The following DHCR24 variants were observed in gnomAD, a reference collection of about 807,000 sequenced individuals.
DHCR24 encodes the protein delta(24)-sterol reductase.
A neutral mutation model predicts 61.2 loss-of-function variants in DHCR24; 28 were observed. That is an observed-to-expected ratio of 0.46 (90% CI 0.34 to 0.63). The LOEUF is 0.63. Among genes scored for constraint, DHCR24 ranks in the 20% least tolerant of loss-of-function variants. The pLI is 0.01. For missense variants in DHCR24, 538 were observed against 679.1 expected (o/e 0.79, Z 2.31); for synonymous variants, 261 against 275.9 (o/e 0.95, Z 0.54).
At chr1:54,867,327 T>A (rs1377626398) in intron 5 of DHCR24, among the ~76,000 whole-genome samples, 1 of 152,180 alleles carries the variant, frequency 6.6e-6, no homozygotes, top group Non-Finnish European at 1.5e-5. Context: ...AACAGAAATG[T>A]TTGGAAGCAA....
At chr1:54,871,742 G>T in intron 4 of DHCR24, 129 bp from the exon 5 acceptor site, 2 of 1,326,452 alleles carry the variant, frequency 1.5e-6, no homozygotes, top group African/African-American at 1.5e-5. Context: ...CAAACAATGA[G>T]CTTTACAAAC....
intron 5 of DHCR24, among the ~76,000 whole-genome samples, chr1:54,866,449 C>T (rs1236056089): frequency 6.6e-6 from 1 of 151,962 alleles, no homozygotes; most frequent in South Asian, 2.1e-4. Context: ...CCCTGGTTCA[C>T]GCCATTCTCC....
chr1:54,857,441 T>C (rs1373059375), intron 6 of DHCR24, among the ~76,000 whole-genome samples: 1 of 152,262 alleles, frequency 6.6e-6, no homozygotes, highest in African/African-American at 2.4e-5. Flanking sequence ...CAACCGCTTA[T>C]ACTAAAATGA....
intron 5 of DHCR24, among the ~76,000 whole-genome samples, chr1:54,865,894 TG>T (rs752710881): frequency 9.3e-5 from 14 of 149,796 alleles, no homozygotes; most frequent in Non-Finnish European, 1.3e-4. Flanking sequence ...CAACTGGTCA[TG>T]GCACTTTCCC....
chr1:54,877,071 C>T (rs1173493637), intron 2 of DHCR24, among the ~76,000 whole-genome samples: 1 of 151,826 alleles, frequency 6.6e-6, no homozygotes, highest in African/African-American at 2.4e-5. Context: ...TCCAAAGGAG[C>T]TAATCAGAAT....
At chr1:54,866,552 G>C (rs1011656246) in intron 5 of DHCR24, among the ~76,000 whole-genome samples, 3 of 152,174 alleles carry the variant, frequency 2.0e-5, no homozygotes, top group African/African-American at 7.2e-5. Context: ...AGCCTAGGCA[G>C]GTTACTTAGC....
intron 4 of DHCR24, among the ~76,000 whole-genome samples, chr1:54,873,762 G>A (rs1647012127): frequency 6.6e-6 from 1 of 152,154 alleles, no homozygotes; most frequent in Non-Finnish European, 1.5e-5. Flanking sequence ...TGATCCTCCT[G>A]CTGCAGCCTC....
chr1:54,882,885 A>G (rs1392622555), intron 2 of DHCR24, among the ~76,000 whole-genome samples: 1 of 152,090 alleles, frequency 6.6e-6, no homozygotes, highest in Non-Finnish European at 1.5e-5. Flanking sequence ...AGGGATTACC[A>G]AGGAGCATGA....
In DHCR24 at chr1:54,883,479, A is replaced by AG; in HGVS notation, c.387+138dup. On this transcript the variant is annotated intron_variant, in intron 2 of 8. Transcript: ENST00000371269. The surrounding 1 kb of genome is among the most constrained non-coding windows in gnomAD (Gnocchi z 4.3). ...TGTGAGGCTTGAGGACAGCAATGGC[A>AG]GGGAGTATCTTCTATGACTGTGGGC... 9.2e-7 allele frequency: 1 copy of AG among 1,082,828 alleles called. No individual in the cohort carries two copies. The highest frequency in any genetic ancestry group is 1.4e-6 in the Non-Finnish European group (1 of 705,072). 67.1% of individuals were successfully genotyped at this position (1,082,828 alleles called of 1,614,324 possible). A position where few individuals can be genotyped will look rare whatever the true frequency, so the allele number is the denominator to read the frequency against.
At chr1:54,863,027 A>G (rs1178365610) in intron 6 of DHCR24, among the ~76,000 whole-genome samples, 1 of 150,152 alleles carries the variant, frequency 6.7e-6, no homozygotes, top group Non-Finnish European at 1.5e-5. Context: ...AGTGGGCGAA[A>G]TTGCGCCACT....
chr1:54,871,890 T>C (rs902422043), intron 4 of DHCR24, among the ~76,000 whole-genome samples: 3 of 152,126 alleles, frequency 2.0e-5, no homozygotes, highest in Non-Finnish European at 2.9e-5. Flanking sequence ...CCAGAGGCTA[T>C]TCAGGAAAAA....
At position 54,872,623 on chromosome 1, in the gene DHCR24, G is replaced by A. The variant is rs549244290; in HGVS notation, c.613-1010C>T. Among the ~76,000 whole-genome samples the A allele has an allele frequency of 7.9e-5, 12 of 152,246 alleles. No homozygotes were observed. In the South Asian group the frequency reaches 2.3e-3, roughly 29 times the overall value. ...ACATTCTCCTGGCCATGGCAGTGAA[G>A]ATGACACACTTGCTGCATGCTGAGC... On this transcript the variant is annotated intron_variant, in intron 4 of 8. Coordinates refer to ENST00000371269, the MANE Select transcript of DHCR24 (RefSeq NM_014762.4).
intron 6 of DHCR24, among the ~76,000 whole-genome samples, chr1:54,856,443 C>CA (rs1267198750): frequency 1.3e-5 from 2 of 151,592 alleles, no homozygotes; most frequent in Non-Finnish European, 2.9e-5. Flanking sequence ...CTAAAAACAC[C>CA]AAAAAAAATT....
At chr1:54,874,444 G>C (rs554303746) in intron 4 of DHCR24, among the ~76,000 whole-genome samples, 12 of 152,282 alleles carry the variant, frequency 7.9e-5, no homozygotes, top group Non-Finnish European at 1.6e-4. Flanking sequence ...CTACAGTATT[G>C]AGCACAGTAC....
At chr1:54,872,788 A>G (rs1647007043) in intron 4 of DHCR24, among the ~76,000 whole-genome samples, 1 of 152,240 alleles carries the variant, frequency 6.6e-6, no homozygotes, top group Admixed American at 6.5e-5. Context: ...ATAGGTCAAA[A>G]GACAGGGCCC....
intron 6 of DHCR24, among the ~76,000 whole-genome samples, chr1:54,860,062 C>A (rs533518480): frequency 7.9e-5 from 12 of 152,112 alleles, no homozygotes; most frequent in Non-Finnish European, 1.5e-4. Context: ...CATGATGAGA[C>A]CCTCACCCCT....
rs762304722 is a variant in DHCR24 at position 54,883,523 on chromosome 1, G to A, written c.387+95C>T. 3 of 1,472,460 alleles carry A rather than the reference G, an allele frequency of 2.0e-6. No homozygotes were observed. Among genetic ancestry groups the A allele is most frequent in the Non-Finnish European group, 2.8e-6 (3 of 1,053,516 alleles). 91.2% of individuals were successfully genotyped at this position (1,472,460 alleles called of 1,614,324 possible). A position where few individuals can be genotyped will look rare whatever the true frequency, so the allele number is the denominator to read the frequency against. ...TGTGGGCATTGGTCCTGTCCACTCT[G>A]CAATGCCCTTGGCTAAAATCATCTC... On this transcript the variant is annotated intron_variant, in intron 2 of 8. Coordinates refer to ENST00000371269, the MANE Select transcript of DHCR24 (RefSeq NM_014762.4). This position sits in a 1 kb window ranked among gnomAD's most constrained non-coding sequence, Gnocchi z 4.3.
chr1:54,880,151 A>G (rs991652081), intron 2 of DHCR24, among the ~76,000 whole-genome samples: 1 of 152,222 alleles, frequency 6.6e-6, no homozygotes, highest in Non-Finnish European at 1.5e-5. Flanking sequence ...TACCAGTATC[A>G]AGAACGAAAG....
chr1:54,864,256 T>C (rs1646955598), intron 6 of DHCR24, among the ~76,000 whole-genome samples: 1 of 152,124 alleles, frequency 6.6e-6, no homozygotes, highest in Non-Finnish European at 1.5e-5. Context: ...CACATGAAGG[T>C]TTGTAGCAGC....
Sources: allele counts gnomAD v4.1 joint callset (sites outside exome capture counted in the v4.1 genomes callset), GRCh38; gene constraint gnomAD v4.1.1; non-coding constraint Gnocchi (gnomAD v3.1); transcripts MANE v1.5; gene names NCBI Gene and HGNC (gene_info 2026-07-23, HGNC 2026-07-21).